ZDHHC17: variants seen among roughly 807,000 people sequenced by gnomAD.
ZDHHC17 encodes the protein zDHHC palmitoyltransferase 17.
A neutral mutation model predicts 90.3 loss-of-function variants in ZDHHC17; 40 were observed. That is an observed-to-expected ratio of 0.44 (90% CI 0.34 to 0.58). ZDHHC17 has a LOEUF of 0.58. Ranked by LOEUF, ZDHHC17 falls within the 20% of genes least tolerant of loss-of-function variation. ZDHHC17 has a pLI of 0.01. For synonymous variants in ZDHHC17, 235 were observed against 252.4 expected, an observed-to-expected ratio of 0.93 and a Z score of 0.65; for missense variants, 614 against 780.8, an observed-to-expected ratio of 0.79 and a Z score of 2.55.
chr12:76,770,803 G>A (rs368778592), intron 1 of ZDHHC17, among the ~76,000 whole-genome samples: 3 of 152,016 alleles, frequency 2.0e-5, no homozygotes, highest in East Asian at 1.9e-4. Context: ...CGGGCATGGG[G>A]GTGCATGCCT....
chr12:76,816,127 A>G (rs562178995), intron 7 of ZDHHC17, 108 bp downstream of exon 7: 12 of 900,478 alleles, frequency 1.3e-5, no homozygotes, highest in Admixed American at 4.0e-5. Context: ...AACTTCTTCA[A>G]TACAGGTTTA....
intron 10 of ZDHHC17, among the ~76,000 whole-genome samples, chr12:76,835,219 T>A (rs1953349382): frequency 6.6e-6 from 1 of 151,472 alleles, no homozygotes; most frequent in African/African-American, 2.4e-5. Context: ...CCTGGCTAAT[T>A]TTTGTATTTT....
At chr12:76,809,649 C>G in intron 4 of ZDHHC17, 64 bp from the exon 5 acceptor site, 1 of 1,301,514 alleles carries the variant, frequency 7.7e-7, no homozygotes, top group Non-Finnish European at 9.9e-7. Context: ...TGAAAAAGCT[C>G]TTCCCAGAGG....
chr12:76,764,823 G>A (rs753982984), intron 1 of ZDHHC17: 69 of 456,516 alleles, frequency 1.5e-4, no homozygotes, highest in Non-Finnish European at 2.7e-4. Flanking sequence ...GTAATGCCAT[G>A]GGTAGCACCT....
chr12:76,787,576 A>G lies in ZDHHC17; in HGVS notation c.94-9858A>G, dbSNP rs568418127. Among the ~76,000 whole-genome samples the G allele has an allele frequency of 2.3e-3, 352 of 152,072 alleles. 2 individuals are homozygous for G. The highest frequency in any genetic ancestry group is 4.4e-3 in the Non-Finnish European group (296 of 68,002). On this transcript the variant is annotated intron_variant, in intron 1 of 16. Transcript: ENST00000426126. The stretch of plus-strand genomic sequence containing the variant: ...AATATTGCATTTGATGTTTTTGCCA[A>G]TGCCATCGGCCATAGAGTGAAAACA...
At chr12:76,811,019 G>A (rs1409474145) in intron 5 of ZDHHC17, among the ~76,000 whole-genome samples, 3 of 152,170 alleles carry the variant, frequency 2.0e-5, no homozygotes, top group African/African-American at 7.2e-5. Flanking sequence ...TCCAGCAGGA[G>A]AACTAGACTT....
intron 10 of ZDHHC17, 137 bp from the exon 11 acceptor site, chr12:76,841,845 T>C (rs531031414): frequency 5.8e-5 from 31 of 535,726 alleles, no homozygotes; most frequent in Middle Eastern, 1.2e-3. Context: ...TATTTTTACA[T>C]GTAGTTATAA....
At position 76,826,765 on chromosome 12, in the gene ZDHHC17, C is replaced by T. The variant is rs1032917168; in HGVS notation, c.898-143C>T. Reference sequence around the variant, plus strand: ...GTCTCCAGAAGACAGACACCAGCACCTTGAATAGTACTGATACATAGCATG... The same window carrying T: ...GTCTCCAGAAGACAGACACCAGCACTTTGAATAGTACTGATACATAGCATG... On this transcript the variant is annotated intron_variant, in intron 8 of 16. Transcript: ENST00000426126. 9.4e-6 allele frequency: 7 copies of T among 744,412 alleles called. No individual in the cohort carries two copies. In the African/African-American group the frequency reaches 1.3e-4, roughly 14 times the overall value. 46.1% of individuals were successfully genotyped at this position (744,412 alleles called of 1,614,324 possible). A position where few individuals can be genotyped will look rare whatever the true frequency, so the allele number is the denominator to read the frequency against.
chr12:76,829,260 A>C (rs1197391274), intron 10 of ZDHHC17, among the ~76,000 whole-genome samples: 1 of 151,908 alleles, frequency 6.6e-6, no homozygotes, highest in Non-Finnish European at 1.5e-5. Context: ...AGTTTGAACC[A>C]AGACTGGCCA....
intron 1 of ZDHHC17, chr12:76,764,631 G>C (rs934930897): frequency 1.9e-6 from 1 of 539,480 alleles, no homozygotes; most frequent in African/African-American, 1.9e-5. Context: ...AGGCGGAGGG[G>C]CCTGGTGTGG....
rs181033419 is a variant in ZDHHC17 at position 76,779,596 on chromosome 12, G to A, written c.93+15267G>A. 6.6e-5 allele frequency among the ~76,000 whole-genome samples: 10 copies of A among 152,196 alleles called. No individual in the cohort carries two copies. The East Asian group carries it at 1.5e-3, about 24-fold the overall frequency. The stretch of plus-strand genomic sequence containing the variant: ...GTGGGAATTATGGGAACTACAATTC[G>A]AGATGAGATTTGGGTGGGGACACAG... On this transcript the variant is annotated intron_variant, in intron 1 of 16. Coordinates refer to ENST00000426126, the MANE Select transcript of ZDHHC17 (RefSeq NM_015336.4).
rs12303489 is a variant in ZDHHC17, at chr12:76,810,774, A to G, written c.543+917A>G. On this transcript the variant is annotated intron_variant, in intron 5 of 16. Transcript: ENST00000426126. Reference sequence around the variant, plus strand: ...CAAAATCTAATGGCTTAAGAACAATACCAACCAATTAATACGTCTCACAAT... The same window carrying G: ...CAAAATCTAATGGCTTAAGAACAATGCCAACCAATTAATACGTCTCACAAT... Among the ~76,000 whole-genome samples, 560 of 152,316 alleles carry G rather than the reference A, an allele frequency of 3.7e-3. 5 individuals carry two copies. Among genetic ancestry groups the G allele is most frequent in the African/African-American group, 0.012 (511 of 41,566 alleles).
At chr12:76,818,508 A>T (rs1953117339) in intron 7 of ZDHHC17, among the ~76,000 whole-genome samples, 2 of 152,234 alleles carry the variant, frequency 1.3e-5, no homozygotes. Context: ...ATGTGATAGA[A>T]TGACTGGGAT....
intron 10 of ZDHHC17, among the ~76,000 whole-genome samples, chr12:76,829,240 C>G (rs897868826): frequency 2.6e-5 from 4 of 151,928 alleles, no homozygotes; most frequent in African/African-American, 9.7e-5. Flanking sequence ...GAGTGGATCA[C>G]GAGGTCAGGA....
At chr12:76,799,120 G>C (rs1463461911) in intron 2 of ZDHHC17, among the ~76,000 whole-genome samples, 1 of 152,038 alleles carries the variant, frequency 6.6e-6, no homozygotes, top group Non-Finnish European at 1.5e-5. Context: ...CTGGGCAAAG[G>C]AGTGAGACCC....
chr12:76,818,681 A>G (rs1272305593), intron 7 of ZDHHC17, among the ~76,000 whole-genome samples: 2 of 152,210 alleles, frequency 1.3e-5, no homozygotes, highest in African/African-American at 4.8e-5. Flanking sequence ...CAGGAGTAAG[A>G]TTGCAGTATT....
At chr12:76,767,736 A>G (rs1382457145) in intron 1 of ZDHHC17, among the ~76,000 whole-genome samples, 1 of 152,180 alleles carries the variant, frequency 6.6e-6, no homozygotes, top group Non-Finnish European at 1.5e-5. Context: ...CCTGACCAAC[A>G]TGGAGAAACC....
intron 8 of ZDHHC17, among the ~76,000 whole-genome samples, chr12:76,826,088 G>A (rs1429905532): frequency 7.2e-5 from 11 of 152,080 alleles, no homozygotes. Flanking sequence ...CAAAGTGTTG[G>A]GATTAAAGGC....
chr12:76,825,782 AG>A (rs1020497616), intron 8 of ZDHHC17, among the ~76,000 whole-genome samples: 41 of 152,122 alleles, frequency 2.7e-4, no homozygotes, highest in African/African-American at 9.2e-4. Context: ...ATATTCAGTA[AG>A]GAAAGCAGTG....
Sources: gnomAD v4.1 joint callset for allele counts (sites outside exome capture counted in the v4.1 genomes callset) on GRCh38, gnomAD v4.1.1 for gene constraint, MANE v1.5 for transcripts, NCBI Gene and HGNC (gene_info 2026-07-23, HGNC 2026-07-21) for gene names.